ZNF324B: variants seen among roughly 807,000 people sequenced by gnomAD.
ZNF324B encodes the protein zinc finger protein 324B.
Under a neutral mutation model 10.6 loss-of-function variants are expected in ZNF324B, and 7 were observed. The ratio of observed to expected loss-of-function variants is 0.66; its 90% confidence interval spans 0.38 to 1.24. The LOEUF is 1.24. ZNF324B is among the 50% of genes most tolerant of loss of function. ZNF324B has a pLI of 0.02. For missense variants in ZNF324B, 640 were observed against 764.7 expected, an observed-to-expected ratio of 0.84 and a Z score of 1.92; for synonymous variants, 316 against 321.0, an observed-to-expected ratio of 0.98 and a Z score of 0.17.
the ZNF324B span, chr19:58,430,787 AGAGG>A: frequency 6.6e-6 from 1 of 152,170 alleles, no homozygotes; most frequent in Non-Finnish European, 1.5e-5. Context: ...AGGTGGTTGA[AGAGG>A]GCAAAAGTCT....
chr19:58,424,714 C>A, the ZNF324B span, among the ~76,000 whole-genome samples: 1 of 152,088 alleles, frequency 6.6e-6, no homozygotes, highest in Admixed American at 6.5e-5. Context: ...GTGGAGTGCA[C>A]CTGTAGTCCC....
the ZNF324B span, chr19:58,445,384 C>A: frequency 1.9e-6 from 1 of 516,722 alleles, no homozygotes; most frequent in South Asian, 1.4e-5. Flanking sequence ...CTGGAAAAAC[C>A]CTCTATGAGT....
At chr19:58,441,712 T>G in the ZNF324B span, 2 of 152,370 alleles carry the variant, frequency 1.3e-5, no homozygotes, top group East Asian at 1.9e-4. Flanking sequence ...GTTGGTGGCC[T>G]GGCCCAGTGA....
At chr19:58,428,071 G>A in the ZNF324B span, among the ~76,000 whole-genome samples, 1 of 152,210 alleles carries the variant, frequency 6.6e-6, no homozygotes, top group African/African-American at 2.4e-5. Context: ...AAGCCCTGCT[G>A]TAAACTTTGC....
chr19:58,447,605 A>G (rs1158552814), upstream of ZNF324B, among the ~76,000 whole-genome samples: 1 of 152,232 alleles, frequency 6.6e-6, no homozygotes, highest in Non-Finnish European at 1.5e-5. Context: ...ATGATGGGTC[A>G]TGACTGTAAT....
the ZNF324B span, chr19:58,428,521 C>G: frequency 2.6e-5 from 4 of 152,178 alleles, no homozygotes; most frequent in South Asian, 8.3e-4. Flanking sequence ...CCATATGATT[C>G]TCAAGAAACC....
the ZNF324B span, among the ~76,000 whole-genome samples, chr19:58,438,762 C>G: frequency 3.5e-5 from 5 of 143,484 alleles, no homozygotes; most frequent in East Asian, 1.1e-3. Flanking sequence ...CGTGAGCCAC[C>G]ACGCCCGGCA....
chr19:58,445,060 C>G, the ZNF324B span: 1 of 249,808 alleles, frequency 4.0e-6, no homozygotes, highest in Non-Finnish European at 7.8e-6. Context: ...TGCCAGCTGT[C>G]CTGGTGGCTT....
chr19:58,439,959 T>G, the ZNF324B span: 6 of 849,868 alleles, frequency 7.1e-6, no homozygotes, highest in Non-Finnish European at 1.8e-6. Flanking sequence ...GAAGGCTGGG[T>G]ATGGAGACCC....
chr19:58,449,798 C>T (rs1299210768), upstream of ZNF324B, among the ~76,000 whole-genome samples: 1 of 152,166 alleles, frequency 6.6e-6, no homozygotes, highest in East Asian at 1.9e-4. Context: ...TTTGATTTTA[C>T]AGGCTCATAG....
rs2052908714 is a variant in ZNF324B at position 58,455,570 on chromosome 19, A to G, written c.626A>G (p.Asn209Ser). 1.9e-6 allele frequency: 3 copies of G among 1,614,096 alleles called. No individual in the cohort carries two copies. Among genetic ancestry groups the G allele is most frequent in the African/African-American group, 1.3e-5 (1 of 75,068 alleles). ...AQEVPGRAFG[N>S]ASDLKAASGG... ...GAGGTCCCTGGGAGAGCCTTCGGGA[A>G]TGCCTCGGACCTGAAGGCCGCCAGT... Residue 209 changes from asparagine to serine, a missense_variant, in exon 4 of 4, where the codon AAT becomes AGT. Around this residue, in one of 3 missense-constraint regions of ZNF324B, gnomAD observed 345 missense variants for 387.9 expected, o/e 0.89. Transcript: ENST00000336614. This position sits in a 1 kb window ranked among gnomAD's most constrained non-coding sequence, Gnocchi z 7.0.
chr19:58,453,346 A>C (rs966044874), intron 1 of ZNF324B: 3 of 350,042 alleles, frequency 8.6e-6, no homozygotes, highest in African/African-American at 6.4e-5. Context: ...TGCTTATTAC[A>C]AAAGCAAGAA....
the ZNF324B span, among the ~76,000 whole-genome samples, chr19:58,422,400 A>C: frequency 6.6e-6 from 1 of 152,226 alleles, no homozygotes; most frequent in Non-Finnish European, 1.5e-5. Flanking sequence ...TCAACATAGT[A>C]CTAGATGTCC....
the ZNF324B span, chr19:58,443,176 A>G: frequency 2.0e-5 from 3 of 152,314 alleles, no homozygotes; most frequent in East Asian, 5.8e-4. Context: ...TCCCCAGCCA[A>G]TTAGCTAGAC....
Position 58,455,404 on chromosome 19 carries a change from G to A in ZNF324B, c.460G>A (p.Asp154Asn), listed in dbSNP as rs2052905337. Residue 154 changes from aspartate to asparagine, a missense_variant, in exon 4 of 4, where the codon GAC becomes AAC. Transcript: ENST00000336614. The surrounding 1 kb of genome is among the most constrained non-coding windows in gnomAD (Gnocchi z 7.0). ...GAGGCTCCTGCTAGGCTCGCGCAGT[G>A]ACCAGGCCAGCATCAGCCTGCGACT... ...WERLLLGSRS[D>N]QASISLRLTS... 6.2e-7 allele frequency: 1 copy of A among 1,614,194 alleles called. No homozygotes were observed. Among genetic ancestry groups the A allele is most frequent in the Non-Finnish European group, 8.5e-7 (1 of 1,180,030 alleles).
chr19:58,431,691 G>C, the ZNF324B span, among the ~76,000 whole-genome samples: 1 of 152,154 alleles, frequency 6.6e-6, no homozygotes, highest in African/African-American at 2.4e-5. Flanking sequence ...TGGTAAATAA[G>C]CTTTTTAAAA....
the ZNF324B span, chr19:58,439,909 A>G: frequency 1.4e-6 from 2 of 1,389,180 alleles, no homozygotes; most frequent in Admixed American, 5.0e-5. Flanking sequence ...TGTCTTCCCA[A>G]ATGCAAAATG....
In ZNF324B at chr19:58,454,214, GCTC is replaced by G; in HGVS notation, c.122-7_122-5del. ...TTGACCTGGGGCTGGGCTCTCACCT[GCTC>G]CTCCTCACAGGACTCTCTACCTCCC... On this transcript the variant is annotated splice_polypyrimidine_tract_variant and intron_variant, in intron 2 of 3. Coordinates refer to ENST00000336614, the MANE Select transcript of ZNF324B (RefSeq NM_207395.3). The G allele has an allele frequency of 1.9e-6, 3 of 1,593,928 alleles. No individual in the cohort carries two copies. The South Asian group carries it at 3.3e-5, about 18-fold the overall frequency.
chr19:58,453,738 G>A lies in ZNF324B; in HGVS notation c.37G>A (p.Glu13Lys), dbSNP rs770193367. ...FEDVAVYFSQ[E>K]EWGLLDTAQR... is the part of the protein sequence containing the mutation. ...GGATGTGGCCGTGTACTTCTCCCAG[G>A]AGGAGTGGGGGCTCCTGGACACAGC... Residue 13 changes from glutamate to lysine, a missense_variant, in exon 2 of 4, where the codon GAG (glutamate) becomes AAG (lysine). Around this residue, in one of 3 missense-constraint regions of ZNF324B, gnomAD observed 345 missense variants for 387.9 expected, o/e 0.89. Coordinates refer to ENST00000336614, the MANE Select transcript of ZNF324B (RefSeq NM_207395.3). 1 of 1,614,200 alleles carries A rather than the reference G, an allele frequency of 6.2e-7. No homozygotes were observed. Among genetic ancestry groups the A allele is most frequent in the Non-Finnish European group, 8.5e-7 (1 of 1,180,018 alleles).
Sources: allele counts gnomAD v4.1 joint callset (sites outside exome capture counted in the v4.1 genomes callset), GRCh38; gene constraint gnomAD v4.1.1; regional missense constraint gnomAD v4.1.1; non-coding constraint Gnocchi (gnomAD v3.1); transcripts MANE v1.5; gene names NCBI Gene and HGNC (gene_info 2026-07-23, HGNC 2026-07-21).